BBX: variants seen among roughly 807,000 people sequenced by gnomAD.
BBX encodes BBX high mobility group box domain containing.
In BBX, 30 loss-of-function variants were observed where a neutral mutation model predicts 100.2. The observed-to-expected ratio is 0.30, with a 90% CI of 0.22 to 0.41. The LOEUF is 0.41. Ranked by LOEUF, BBX falls within the 10% of genes least tolerant of loss-of-function variation. The pLI, the probability that BBX is intolerant of heterozygous loss-of-function variation, is 1.00. For missense variants in BBX, 1,023 were observed against 1,129.8 expected (o/e 0.91, Z 1.35); for synonymous variants, 376 against 388.1 (o/e 0.97, Z 0.37).
chr3:107,570,284 G>T (rs1229205512), intron 2 of BBX, among the ~76,000 whole-genome samples: 1 of 152,178 alleles, frequency 6.6e-6, no homozygotes, highest in Admixed American at 6.5e-5. Context: ...TGAAGGTGAG[G>T]TTAATTAAGT....
In BBX at chr3:107,710,453, T is replaced by G; in HGVS notation, c.-8T>G. 6.2e-7 allele frequency: 1 copy of G among 1,608,614 alleles called. No individual in the cohort carries two copies. The highest frequency in any genetic ancestry group is 8.5e-7 in the Non-Finnish European group (1 of 1,176,508). ...TCTCTCTCTCTCTTCCTATTACAGG[T>G]CACAGTAATGAAAGGCAGTAATAGA... is the stretch of plus-strand genomic sequence containing the variant. On this transcript the variant is annotated splice_region_variant and 5_prime_UTR_variant, in exon 4 of 18. Coordinates refer to ENST00000325805, the MANE Select transcript of BBX (RefSeq NM_001142568.3).
At chr3:107,737,897 T>TG (rs2063761035) in intron 7 of BBX, among the ~76,000 whole-genome samples, 1 of 139,956 alleles carries the variant, frequency 7.1e-6, no homozygotes, top group Admixed American at 7.1e-5. Context: ...TTTTTTTTTT[T>TG]TTTTTTTTTT....
chr3:107,571,402 C>T (rs892495855), intron 2 of BBX, among the ~76,000 whole-genome samples: 1 of 152,160 alleles, frequency 6.6e-6, no homozygotes, highest in Admixed American at 6.5e-5. Flanking sequence ...TTCCTGAGTC[C>T]GTGACTGGCG....
chr3:107,755,595 T>C lies in BBX; in HGVS notation c.826-3T>C, dbSNP rs1379895326. 4 of 1,612,636 alleles carry C rather than the reference T, an allele frequency of 2.5e-6. No homozygotes were observed. The highest frequency in any genetic ancestry group is 2.5e-6 in the Non-Finnish European group (3 of 1,178,840). The stretch of plus-strand genomic sequence containing the variant: ...TTCCCTATTTGGATTGTCTTTAATA[T>C]AGATTTCTTCAAACACTTCGCAGTT... On this transcript the variant is annotated splice_region_variant and splice_polypyrimidine_tract_variant and intron_variant, in intron 9 of 17. Coordinates refer to ENST00000325805, the MANE Select transcript of BBX (RefSeq NM_001142568.3).
At chr3:107,711,532 C>G (rs1336780076) in intron 4 of BBX, among the ~76,000 whole-genome samples, 1 of 152,184 alleles carries the variant, frequency 6.6e-6, no homozygotes, top group Non-Finnish European at 1.5e-5. Context: ...CTTTTTCAGA[C>G]ATCATCTGGA....
At chr3:107,658,905 T>C (rs1042371712) in intron 3 of BBX, among the ~76,000 whole-genome samples, 2 of 152,142 alleles carry the variant, frequency 1.3e-5, no homozygotes, top group Non-Finnish European at 2.9e-5. Flanking sequence ...TTTCAAAGAC[T>C]ATATTCTTTG....
intron 1 of BBX, chr3:107,525,500 C>T: frequency 6.6e-6 from 1 of 152,432 alleles, no homozygotes; most frequent in East Asian, 1.9e-4. Context: ...GGTATTTGCA[C>T]TTCATTTTTT....
At chr3:107,601,126 T>G (rs901429589) in intron 2 of BBX, among the ~76,000 whole-genome samples, 1 of 152,220 alleles carries the variant, frequency 6.6e-6, no homozygotes, top group Admixed American at 6.5e-5. Flanking sequence ...CACCACGAAC[T>G]GCACCCATAC....
intron 2 of BBX, among the ~76,000 whole-genome samples, chr3:107,638,278 C>T (rs1297764431): frequency 1.3e-5 from 2 of 152,166 alleles, no homozygotes; most frequent in African/African-American, 4.8e-5. Flanking sequence ...TGATCTCAAA[C>T]TCCTGAGTTC....
chr3:107,531,003 C>T (rs984687983), intron 2 of BBX, among the ~76,000 whole-genome samples: 3 of 152,296 alleles, frequency 2.0e-5, no homozygotes, highest in African/African-American at 7.2e-5. Context: ...TATTCTCATT[C>T]AGTGTTTCTG....
At chr3:107,688,502 G>A (rs904993338) in intron 3 of BBX, among the ~76,000 whole-genome samples, 1 of 152,150 alleles carries the variant, frequency 6.6e-6, no homozygotes, top group Admixed American at 6.5e-5. Flanking sequence ...TTAATAATGG[G>A]ACAAATTGAG....
At chr3:107,716,499 G>A in intron 4 of BBX, 108 bp from the exon 5 acceptor site, 1 of 1,348,926 alleles carries the variant, frequency 7.4e-7, no homozygotes, top group Non-Finnish European at 1.0e-6. Context: ...TGTGTAAGTT[G>A]TTTAAATGGA....
intron 2 of BBX, among the ~76,000 whole-genome samples, chr3:107,608,516 T>A (rs1196633829): frequency 6.6e-6 from 1 of 152,172 alleles, no homozygotes; most frequent in Non-Finnish European, 1.5e-5. Context: ...AGTTTTGTTC[T>A]TTTTTGCTTA....
chr3:107,588,338 G>C (rs997853236), intron 2 of BBX, among the ~76,000 whole-genome samples: 5 of 147,378 alleles, frequency 3.4e-5, no homozygotes, highest in South Asian at 2.2e-4. Flanking sequence ...ACAAAGTAAG[G>C]GGGGGCCTGG....
At chr3:107,798,960 C>G (rs1266968959) in intron 16 of BBX, among the ~76,000 whole-genome samples, 1 of 151,702 alleles carries the variant, frequency 6.6e-6, no homozygotes, top group African/African-American at 2.4e-5. Flanking sequence ...ACCATCCTGG[C>G]TAACACTGTG....
chr3:107,671,909 C>G (rs944714247), intron 3 of BBX, among the ~76,000 whole-genome samples: 19 of 152,170 alleles, frequency 1.2e-4, no homozygotes, highest in African/African-American at 4.3e-4. Flanking sequence ...AATCTTACAT[C>G]TTCAAAGTCT....
Position 107,605,386 on chromosome 3 carries a change from T to TTG in BBX, c.-83-40450_-83-40449insTG, listed in dbSNP as rs397704921. On this transcript the variant is annotated intron_variant, in intron 2 of 17. Coordinates refer to ENST00000325805, the MANE Select transcript of BBX (RefSeq NM_001142568.3). ...ATTCTTCACTTTCTATTTTTTTTTTTGGGGGGGGGATTTAATATTAAACCC... is the reference window on the plus strand; with the variant it reads ...ATTCTTCACTTTCTATTTTTTTTTTTTGGGGGGGGGGATTTAATATTAAACCC... 5.4e-3 allele frequency among the ~76,000 whole-genome samples: 806 copies of TTG among 149,302 alleles called. 10 individuals carry two copies. Among genetic ancestry groups the TTG allele is most frequent in the African/African-American group, 0.016 (658 of 40,646 alleles).
intron 2 of BBX, among the ~76,000 whole-genome samples, chr3:107,549,920 T>C (rs755831430): frequency 6.6e-6 from 1 of 151,908 alleles, no homozygotes; most frequent in South Asian, 2.1e-4. Context: ...GCATTTAAAT[T>C]TTAAAATAAC....
Position 107,808,197 on chromosome 3 carries a change from A to C in BBX, c.*2740A>C, listed in dbSNP as rs893207648. ...GTACTTTAATCTGCCAGCAGATACC[A>C]TCTACACTAACATTTGTCCCACAGC... On this transcript the variant is annotated 3_prime_UTR_variant, in exon 18 of 18. Coordinates refer to ENST00000325805, the MANE Select transcript of BBX (RefSeq NM_001142568.3). 6.6e-6 allele frequency: 1 copy of C among 152,138 alleles called. No individual in the cohort carries two copies. The highest frequency in any genetic ancestry group is 2.4e-5 in the African/African-American group (1 of 41,422). The allele number at this position is 152,138 out of a possible 1,614,324, so 9.4% of individuals were successfully genotyped here. A position where few individuals can be genotyped will look rare whatever the true frequency, so the allele number is the denominator to read the frequency against.
Sources: gnomAD v4.1 joint callset for allele counts (sites outside exome capture counted in the v4.1 genomes callset) on GRCh38, gnomAD v4.1.1 for gene constraint, MANE v1.5 for transcripts, NCBI Gene and HGNC (gene_info 2026-07-23, HGNC 2026-07-21) for gene names.